The following EXT2 variants were observed in gnomAD, a reference collection of about 807,000 sequenced individuals.
The protein encoded by EXT2 is exostosin-2.
In EXT2, 53 loss-of-function variants were observed where a neutral mutation model predicts 81.6. That is an observed-to-expected ratio of 0.65 (90% confidence interval 0.52 to 0.82). EXT2 has a LOEUF of 0.82. Among genes scored for constraint, EXT2 ranks in the 40% least tolerant of loss-of-function variants. The probability of loss-of-function intolerance (pLI) is 0.00; values close to 1 mark genes in which losing one functional copy is unlikely to be tolerated. For missense variants in EXT2, 774 were observed against 910.2 expected (o/e 0.85, Z 1.93); for synonymous variants, 320 against 340.0 (o/e 0.94, Z 0.65).
chr11:44,183,516 A>G (rs1590628696), intron 8 of EXT2, among the ~76,000 whole-genome samples: 1 of 152,240 alleles, frequency 6.6e-6, no homozygotes, highest in East Asian at 1.9e-4. Context: ...CTCTTTGAAT[A>G]TTACATATCT....
At chr11:44,187,210 A>G (rs1394057877) in intron 8 of EXT2, among the ~76,000 whole-genome samples, 1 of 151,846 alleles carries the variant, frequency 6.6e-6, no homozygotes, top group African/African-American at 2.4e-5. Flanking sequence ...CTACTTTTAA[A>G]AAATCTTATT....
chr11:44,105,695 C>T (rs1403822985), intron 1 of EXT2, among the ~76,000 whole-genome samples: 1 of 152,208 alleles, frequency 6.6e-6, no homozygotes, highest in African/African-American at 2.4e-5. Flanking sequence ...CAAGGCTCTG[C>T]CCTCCCCCGA....
intron 8 of EXT2, among the ~76,000 whole-genome samples, chr11:44,188,168 C>A (rs936036694): frequency 6.6e-6 from 1 of 152,154 alleles, no homozygotes; most frequent in African/African-American, 2.4e-5. Flanking sequence ...TGCTAATCCC[C>A]AAATCAAAGT....
At chr11:44,176,441 G>A (rs1955159381) in intron 8 of EXT2, among the ~76,000 whole-genome samples, 1 of 151,950 alleles carries the variant, frequency 6.6e-6, no homozygotes, top group Non-Finnish European at 1.5e-5. Flanking sequence ...ATAAATCAAG[G>A]TATATAACTG....
chr11:44,193,706 T>A (rs1347184527), intron 8 of EXT2, among the ~76,000 whole-genome samples: 1 of 152,220 alleles, frequency 6.6e-6, no homozygotes, highest in East Asian at 1.9e-4. Context: ...TACTGCCTCC[T>A]GTGTTCATCT....
At chr11:44,117,144 T>C (rs1485309359) in intron 4 of EXT2, among the ~76,000 whole-genome samples, 2 of 152,110 alleles carry the variant, frequency 1.3e-5, no homozygotes, top group Middle Eastern at 3.2e-3. Context: ...TAATTTTGTA[T>C]TTTTTGCAGA....
At chr11:44,146,577 C>T (rs1044303872) in intron 7 of EXT2, among the ~76,000 whole-genome samples, 21 of 152,160 alleles carry the variant, frequency 1.4e-4, no homozygotes, top group African/African-American at 2.2e-4. Context: ...CACTGAGAAC[C>T]GGCCTGTTGG....
chr11:44,222,528 C>T (rs1218681820), intron 10 of EXT2, among the ~76,000 whole-genome samples: 1 of 152,126 alleles, frequency 6.6e-6, no homozygotes, highest in African/African-American at 2.4e-5. Context: ...TGGAAAAGTC[C>T]TGGTCTTTTC....
At chr11:44,130,912 G>A (rs963937036) in intron 7 of EXT2, among the ~76,000 whole-genome samples, 2 of 152,218 alleles carry the variant, frequency 1.3e-5, no homozygotes, top group East Asian at 3.9e-4. Flanking sequence ...CTGTTAGTTC[G>A]GCACCCTCAG....
At chr11:44,119,155 T>TTC (rs1954274288) in intron 4 of EXT2, among the ~76,000 whole-genome samples, 1 of 45,278 alleles carries the variant, frequency 2.2e-5, no homozygotes, top group Non-Finnish European at 5.0e-5. Flanking sequence ...TATATATATA[T>TTC]ATATATATAT....
intron 10 of EXT2, among the ~76,000 whole-genome samples, chr11:44,207,702 CATT>C (rs1217698804): frequency 1.3e-5 from 2 of 152,116 alleles, no homozygotes; most frequent in Admixed American, 1.3e-4. Flanking sequence ...GCAAGGTAAC[CATT>C]TTCTTTAGCT....
At chr11:44,161,328 T>C (rs1373912869) in intron 7 of EXT2, among the ~76,000 whole-genome samples, 3 of 152,138 alleles carry the variant, frequency 2.0e-5, no homozygotes, top group Non-Finnish European at 4.4e-5. Context: ...CCATACTTTA[T>C]GTATGTTAAA....
intron 8 of EXT2, among the ~76,000 whole-genome samples, chr11:44,186,091 A>T (rs1178372750): frequency 6.6e-6 from 1 of 152,198 alleles, no homozygotes; most frequent in Non-Finnish European, 1.5e-5. Context: ...TGTATTTATG[A>T]AGTAGCAGGT....
In EXT2 at chr11:44,108,229, G is replaced by A. The variant is rs1246286390; in HGVS notation, c.517G>A (p.Ala173Thr). 6 of 1,612,838 alleles carry A rather than the reference G, an allele frequency of 3.7e-6. No homozygotes were observed. The African/African-American group carries it at 4.0e-5, about 11-fold the overall frequency. Reference protein sequence around the residue: ...NTLRIKETAQAMAQLSRWDRG... With the variant: ...NTLRIKETAQTMAQLSRWDRG... The stretch of plus-strand genomic sequence containing the variant: ...ACTGCGCATCAAGGAGACAGCACAA[G>A]CGATGGCCCAGCTCTCTAGGTATCT... The change falls in exon 2 of 14, where the codon GCG becomes ACG. Residue 173 changes from alanine to threonine, a missense_variant. Ala to Thr is a moderately conservative substitution (Grantham distance 58). Coordinates refer to ENST00000533608, the MANE Select transcript of EXT2 (RefSeq NM_207122.2).
intron 10 of EXT2, among the ~76,000 whole-genome samples, chr11:44,208,605 T>C (rs1293666036): frequency 6.6e-6 from 1 of 152,240 alleles, no homozygotes; most frequent in Admixed American, 6.5e-5. Flanking sequence ...TTAGTCAGAA[T>C]ATCCAGATGC....
At chr11:44,152,271 G>T (rs1347701607) in intron 7 of EXT2, among the ~76,000 whole-genome samples, 4 of 152,102 alleles carry the variant, frequency 2.6e-5, no homozygotes, top group African/African-American at 2.4e-5. Context: ...CTTTGGTATT[G>T]TACCTAAAAA....
chr11:44,170,790 A>G (rs1475525224), intron 7 of EXT2, among the ~76,000 whole-genome samples: 1 of 150,238 alleles, frequency 6.7e-6, no homozygotes, highest in Admixed American at 6.7e-5. Flanking sequence ...AAATTCATCC[A>G]TAATTTAAAA....
chr11:44,111,313 G>A (rs1954139327), intron 3 of EXT2, among the ~76,000 whole-genome samples: 1 of 152,082 alleles, frequency 6.6e-6, no homozygotes, highest in East Asian at 1.9e-4. Context: ...CAGCATGCAA[G>A]TGTATAAAGA....
In EXT2 at chr11:44,125,463, G is replaced by GCAT. The variant is rs1954386890; in HGVS notation, c.939+481_939+483dup. On this transcript the variant is annotated intron_variant, in intron 5 of 13. Transcript: ENST00000533608. ...CTATTTGGAGTTCTTGCCACCTTTA[G>GCAT]CATCTCCTGTCAGTAGCATGTCCTT... Among the ~76,000 whole-genome samples, 3 of 152,144 alleles carry GCAT rather than the reference G, an allele frequency of 2.0e-5. No homozygotes were observed. In the South Asian group the frequency reaches 6.2e-4, roughly 32 times the overall value.
Sources: gnomAD v4.1 joint callset for allele counts (sites outside exome capture counted in the v4.1 genomes callset) on GRCh38, gnomAD v4.1.1 for gene constraint, MANE v1.5 for transcripts, NCBI Gene and HGNC (gene_info 2026-07-23, HGNC 2026-07-21) for gene names.